The following LRP1B variants were observed in gnomAD, a reference collection of about 807,000 sequenced individuals.
LRP1B encodes low-density lipoprotein receptor-related protein 1B.
Under a neutral mutation model 556.6 loss-of-function variants are expected in LRP1B, and 217 were observed. That is an observed-to-expected ratio of 0.39 (90% CI 0.35 to 0.44). The LOEUF is 0.44. Among genes scored for constraint, LRP1B ranks in the 20% least tolerant of loss-of-function variants. LRP1B has a pLI of 1.00. For synonymous variants in LRP1B, 2,047 were observed against 1,865.8 expected (o/e 1.10, Z -2.50); for missense variants, 5,053 against 5,620.8 (o/e 0.90, Z 3.23).
intron 43 of LRP1B, among the ~76,000 whole-genome samples, chr2:140,578,769 C>A (rs1681639161): frequency 6.6e-6 from 1 of 152,146 alleles, no homozygotes; most frequent in African/African-American, 2.4e-5. Context: ...TAAAAAAAAT[C>A]AATCCCTTTC....
Position 140,358,051 on chromosome 2 carries a change from T to C in LRP1B, c.11323A>G (p.Ile3775Val), listed in dbSNP as rs772667603. The part of the protein sequence containing the change: ...DEFACSNKKC[I>V]PMDLQCDRLD... ...CGATCACACTGGAGATCCATAGGGA[T>C]GCATTTTTTATTACTACAAGCAAAC... The change falls in exon 74 of 91, where the codon ATC becomes GTC. Residue 3775 changes from isoleucine (I) to valine (V), a missense_variant. Coordinates refer to ENST00000389484, the MANE Select transcript of LRP1B (RefSeq NM_018557.3). The C allele has an allele frequency of 6.2e-7, 1 of 1,611,604 alleles. No homozygotes were observed. The highest frequency in any genetic ancestry group is 1.1e-5 in the South Asian group (1 of 90,988).
In LRP1B at chr2:142,101,766, C is replaced by G. The variant is rs202076497; in HGVS notation, c.82+28882G>C. On this transcript the variant is annotated intron_variant, in intron 1 of 90. Transcript: ENST00000389484. Reference sequence around the variant, plus strand: ...CAGAGATCTTAACTTTATATGGTTTCTGATTATTTTTAAAAATTAGGGTTA... The same window carrying G: ...CAGAGATCTTAACTTTATATGGTTTGTGATTATTTTTAAAAATTAGGGTTA... Among the ~76,000 whole-genome samples the G allele has an allele frequency of 1.1e-4, 17 of 152,012 alleles. No homozygotes were observed. The East Asian group carries it at 3.3e-3, about 29-fold the overall frequency.
chr2:141,939,144 T>C (rs563863561), intron 1 of LRP1B, among the ~76,000 whole-genome samples: 1 of 146,612 alleles, frequency 6.8e-6, no homozygotes, highest in East Asian at 2.0e-4. Flanking sequence ...TTGCTTATAC[T>C]ACAAAAAAAA....
rs140820051 is a variant in LRP1B at position 140,505,219 on chromosome 2, T to C, written c.8521+1577A>G. ...AACAGTCCTAACATTTAAGCCTTTT[T>C]ATTAAACATACTTTACAGATGGAAA... On this transcript the variant is annotated intron_variant, in intron 53 of 90. Transcript: ENST00000389484. Among the ~76,000 whole-genome samples the C allele has an allele frequency of 7.5e-4, 114 of 152,266 alleles. No individual in the cohort carries two copies. The East Asian group carries it at 0.02, about 27-fold the overall frequency.
At chr2:141,114,269 C>T (rs1230912790) in intron 7 of LRP1B, among the ~76,000 whole-genome samples, 2 of 152,178 alleles carry the variant, frequency 1.3e-5, no homozygotes, top group Non-Finnish European at 2.9e-5. Context: ...CCGTGGACAG[C>T]TAAGTGTTAA....
intron 7 of LRP1B, among the ~76,000 whole-genome samples, chr2:141,126,294 A>G (rs1359605486): frequency 1.3e-5 from 2 of 152,108 alleles, no homozygotes; most frequent in African/African-American, 4.8e-5. Flanking sequence ...TCGGACTCCC[A>G]AAGTGCTGGT....
At chr2:141,351,545 C>T (rs1688443107) in intron 3 of LRP1B, among the ~76,000 whole-genome samples, 1 of 151,956 alleles carries the variant, frequency 6.6e-6, no homozygotes, top group Admixed American at 6.6e-5. Flanking sequence ...TCCCTGACGA[C>T]CAGAATCCAT....
intron 1 of LRP1B, among the ~76,000 whole-genome samples, chr2:142,119,202 A>T (rs1707371079): frequency 2.6e-5 from 4 of 152,160 alleles, no homozygotes; most frequent in Admixed American, 1.3e-4. Context: ...AAGTGTAAAA[A>T]CATACCATGC....
intron 1 of LRP1B, among the ~76,000 whole-genome samples, chr2:142,115,246 G>GA (rs1025873456): frequency 1.9e-4 from 28 of 146,978 alleles, no homozygotes; most frequent in African/African-American, 4.5e-4. Flanking sequence ...TGCAAACAGA[G>GA]AAAAAAAAAT....
chr2:140,397,339 TC>T lies in LRP1B; in HGVS notation c.10415-11331del, dbSNP rs1339425174. On this transcript the variant is annotated intron_variant, in intron 66 of 90. Transcript: ENST00000389484. ...TATTTTTCCTAATGCTCCAATGCTC[TC>T]CCCTCCCCTCTCCCCAACTCCCAAC... 2.0e-5 allele frequency among the ~76,000 whole-genome samples: 3 copies of T among 152,024 alleles called. No homozygotes were observed. In the East Asian group the frequency reaches 5.8e-4, roughly 29 times the overall value.
intron 1 of LRP1B, among the ~76,000 whole-genome samples, chr2:141,941,191 A>G (rs559876180): frequency 6.6e-6 from 1 of 152,370 alleles, no homozygotes; most frequent in South Asian, 2.1e-4. Flanking sequence ...AGATGAGTTA[A>G]CATTTATTCT....
At chr2:141,167,337 A>G (rs900173974) in intron 7 of LRP1B, 18 of 151,914 alleles carry the variant, frequency 1.2e-4, no homozygotes, top group African/African-American at 4.1e-4. Context: ...GTTTTAGTAT[A>G]TATGTGGCTG....
intron 7 of LRP1B, among the ~76,000 whole-genome samples, chr2:141,102,685 A>G (rs1042646500): frequency 2.0e-5 from 3 of 152,068 alleles, no homozygotes; most frequent in Non-Finnish European, 4.4e-5. Flanking sequence ...AAAAGGTACA[A>G]CTATAACATA....
chr2:142,080,230 C>A (rs1705661435), intron 1 of LRP1B, among the ~76,000 whole-genome samples: 1 of 152,082 alleles, frequency 6.6e-6, no homozygotes, highest in African/African-American at 2.4e-5. Context: ...GTTTTAACTA[C>A]AGTATTAAAT....
In LRP1B at chr2:141,739,395, C is replaced by G. The variant is rs150720955; in HGVS notation, c.205+70884G>C. On this transcript the variant is annotated intron_variant, in intron 2 of 90. Transcript: ENST00000389484. ...ATAAGCACACAAAGATACATCTCTA[C>G]AAGAAGAAAAATGGGGATTCGTGAT... Among the ~76,000 whole-genome samples, 279 of 152,060 alleles carry G rather than the reference C, an allele frequency of 1.8e-3. 2 individuals are homozygous for G. In the East Asian group the frequency reaches 0.027, roughly 15 times the overall value.
chr2:140,324,870 CTTTTTT>C (rs36073920), intron 80 of LRP1B, among the ~76,000 whole-genome samples: 5 of 136,800 alleles, frequency 3.7e-5, no homozygotes, highest in African/African-American at 1.3e-4. Context: ...GGGATCTGAA[CTTTTTT>C]TTTTTTTTTC....
intron 35 of LRP1B, among the ~76,000 whole-genome samples, chr2:140,730,786 T>C (rs1401751856): frequency 6.6e-6 from 1 of 152,162 alleles, no homozygotes; most frequent in East Asian, 1.9e-4. Context: ...CTCGAACTCC[T>C]GACCTCGTGA....
chr2:141,020,809 A>AG (rs547804465), intron 11 of LRP1B, among the ~76,000 whole-genome samples: 35 of 152,084 alleles, frequency 2.3e-4, no homozygotes, highest in Admixed American at 6.6e-4. Context: ...TATTTTATAA[A>AG]GGGGGGGTAA....
intron 3 of LRP1B, among the ~76,000 whole-genome samples, chr2:141,398,673 A>T (rs1050011210): frequency 6.6e-6 from 1 of 152,180 alleles, no homozygotes; most frequent in African/African-American, 2.4e-5. Context: ...TATCTCTAAC[A>T]TTACTAAATA....
Sources: gnomAD v4.1 joint callset for allele counts (sites outside exome capture counted in the v4.1 genomes callset) on GRCh38, gnomAD v4.1.1 for gene constraint, MANE v1.5 for transcripts, NCBI Gene and HGNC (gene_info 2026-07-23, HGNC 2026-07-21) for gene names.